Variants in FOXM1 observed in about 807,000 individuals in gnomAD.
The protein encoded by FOXM1 is forkhead box protein M1.
A neutral mutation model predicts 63.6 loss-of-function variants in FOXM1; 25 were observed. That is an observed-to-expected ratio of 0.39 (90% CI 0.29 to 0.55). The LOEUF (loss-of-function observed/expected upper bound fraction) is 0.55. FOXM1 is among the 20% of genes least tolerant of loss of function. The probability of loss-of-function intolerance (pLI) is 0.60; values close to 1 mark genes in which losing one functional copy is unlikely to be tolerated. For synonymous variants in FOXM1, 387 were observed against 376.9 expected (o/e 1.03, Z -0.31); for missense variants, 879 against 958.7 (o/e 0.92, Z 1.10).
chr12:2,859,591 C>T lies in FOXM1; in HGVS notation c.1339G>A (p.Gly447Arg), dbSNP rs1157284265. Residue 447 changes from glycine to arginine, a missense_variant, in exon 9 of 9, where the codon GGA (glycine) becomes AGA (arginine). This residue lies in a region of FOXM1 where 486 missense variants were observed against 453.5 expected (regional missense o/e 1.07). Transcript: ENST00000359843. ...GGAAGCAAAGGAGAAAACCCTTCTC[C>T]AAACAGGAGTTTCTCCTCTTTCCCT... ...GPGKEEKLLF[G>R]EGFSPLLPVQ... The T allele has an allele frequency of 3.7e-6, 6 of 1,613,546 alleles. No individual in the cohort carries two copies. The African/African-American group carries it at 8.0e-5, about 22-fold the overall frequency.
chr12:2,858,517 A>C lies in FOXM1; in HGVS notation c.*121T>G. 1 of 803,992 alleles carries C rather than the reference A, an allele frequency of 1.2e-6. No individual in the cohort carries two copies. The highest frequency in any genetic ancestry group is 1.9e-6 in the Non-Finnish European group (1 of 518,942). The allele number at this position is 803,992 out of a possible 1,614,324, so 49.8% of individuals were successfully genotyped here. A position where few individuals can be genotyped will look rare whatever the true frequency, so the allele number is the denominator to read the frequency against. On this transcript the variant is annotated 3_prime_UTR_variant, in exon 9 of 9. Transcript: ENST00000359843. ...TGCTACTTTTGCATAATCAGGCAGC[A>C]GGGAGCTATGAGGAGCAGAACAGTC...
intron 1 of FOXM1, among the ~76,000 whole-genome samples, chr12:2,875,822 G>A (rs1006677180): frequency 4.7e-5 from 7 of 148,912 alleles, no homozygotes; most frequent in Non-Finnish European, 8.9e-5. Context: ...GTGCAATGGC[G>A]CAATCTCAGC....
intron 3 of FOXM1, 120 bp downstream of exon 3, chr12:2,871,976 A>G: frequency 1.0e-6 from 1 of 996,660 alleles, no homozygotes; most frequent in Non-Finnish European, 1.6e-6. Flanking sequence ...AATAGCATGA[A>G]GTGGAGAGCT....
Position 2,859,109 on chromosome 12 carries a change from G to A in FOXM1, c.1821C>T (p.Pro607=), listed in dbSNP as rs1247738226. ...PFKTPIKETL[P]ISSTPSKSVL... ...CAGATTTGCTCGGGGTGGAGGAGATGGGCAGCGTTTCCTTAATGGGTGTCT... is the reference window on the plus strand; with the variant it reads ...CAGATTTGCTCGGGGTGGAGGAGATAGGCAGCGTTTCCTTAATGGGTGTCT... Residue 607 remains proline, a synonymous_variant, in exon 9 of 9, where the codon CCC becomes CCT. Transcript: ENST00000359843. 2 of 1,605,862 alleles carry A rather than the reference G, an allele frequency of 1.2e-6. No individual in the cohort carries two copies. The highest frequency in any genetic ancestry group is 2.2e-5 in the South Asian group (2 of 90,896).
intron 8 of FOXM1, chr12:2,861,167 CAAA>C (rs1216502555): frequency 4.2e-3 from 1,628 of 386,352 alleles, no homozygotes; most frequent in South Asian, 5.7e-3. Flanking sequence ...GACTCCGTCT[CAAA>C]AAAAAAAAAA....
rs764559064 is a variant in FOXM1, at chr12:2,858,511, G to A, written c.*127C>T. 1.6e-5 allele frequency: 12 copies of A among 767,688 alleles called. No individual in the cohort carries two copies. The highest frequency in any genetic ancestry group is 3.8e-4 in the Middle Eastern group (1 of 2,634). The allele number at this position is 767,688 out of a possible 1,614,324, so 47.6% of individuals were successfully genotyped here. ...TGTGACTGCTACTTTTGCATAATCA[G>A]GCAGCAGGGAGCTATGAGGAGCAGA... On this transcript the variant is annotated 3_prime_UTR_variant, in exon 9 of 9. Transcript: ENST00000359843.
Position 2,864,721 on chromosome 12 carries a change from C to T in FOXM1, c.1052G>A (p.Arg351Gln), listed in dbSNP as rs143532828. ...GAGTTCGGTTTTGATGGTCATGTTC[C>T]GGCGGAGCTCTGGATTCGGTCGTTT... ...QQKRPNPELRRNMTIKTELPL... is the reference protein window; with the variant it reads ...QQKRPNPELRQNMTIKTELPL... Residue 351 changes from arginine to glutamine, a missense_variant, in exon 7 of 9, where the codon CGG becomes CAG. Transcript: ENST00000359843. The surrounding 1 kb of genome is among the most constrained non-coding windows in gnomAD (Gnocchi z 5.1). 110 of 1,614,144 alleles carry T rather than the reference C, an allele frequency of 6.8e-5. 1 individual carries two copies. The Admixed American group carries it at 1.4e-3, about 21-fold the overall frequency.
At position 2,864,368 on chromosome 12, in the gene FOXM1, C is replaced by T. The variant is rs750630091; in HGVS notation, c.1218G>A (p.Met406Ile). 6.2e-7 allele frequency: 1 copy of T among 1,613,972 alleles called. No individual in the cohort carries two copies. The highest frequency in any genetic ancestry group is 1.1e-5 in the South Asian group (1 of 91,074). The part of the protein sequence containing the change: ...KVPLPLAASL[M>I]SSELARHSKR... The stretch of plus-strand genomic sequence containing the variant: ...TGCTATGGCGGGCAAGCTCTGAGCT[C>T]ATGAGGGAAGCCGCCAGGGGCAATG... Residue 406 changes from methionine to isoleucine, a missense_variant, in exon 8 of 9, where the codon ATG (methionine) becomes ATA (isoleucine). Met to Ile is a conservative substitution (Grantham distance 10, BLOSUM62 1). Coordinates refer to ENST00000359843, the MANE Select transcript of FOXM1 (RefSeq NM_021953.4). This position sits in a 1 kb window ranked among gnomAD's most constrained non-coding sequence, Gnocchi z 5.1.
intron 8 of FOXM1, among the ~76,000 whole-genome samples, chr12:2,860,318 C>CA (rs549311274): frequency 6.6e-6 from 1 of 151,944 alleles, no homozygotes; most frequent in Non-Finnish European, 1.5e-5. Flanking sequence ...CCCATCTCTA[C>CA]AAAAAAATTT....
At chr12:2,876,218 A>G (rs1204577073) in intron 1 of FOXM1, 1 of 152,306 alleles carries the variant, frequency 6.6e-6, no homozygotes, top group South Asian at 2.1e-4. Flanking sequence ...GACATTTGTC[A>G]TCTGCATAGA....
intron 5 of FOXM1, among the ~76,000 whole-genome samples, chr12:2,865,655 T>A (rs1482383289): frequency 2.1e-5 from 3 of 141,322 alleles, no homozygotes; most frequent in African/African-American, 8.3e-5. Context: ...TTTTTTTTTT[T>A]TTTTTTTTTT....
chr12:2,865,601 A>G (rs2098121675), intron 5 of FOXM1, among the ~76,000 whole-genome samples: 1 of 149,224 alleles, frequency 6.7e-6, no homozygotes, highest in Admixed American at 6.7e-5. Context: ...TTCTGAAAAG[A>G]CGTTCTGGTA....
intron 4 of FOXM1, among the ~76,000 whole-genome samples, chr12:2,867,979 C>CAAAAAAAAAAAAAAAAA (rs60064456): frequency 1.5e-5 from 1 of 68,326 alleles, no homozygotes; most frequent in Non-Finnish European, 2.9e-5. Flanking sequence ...GACTCTGTCT[C>CAAAAAAAAAAAAAAAAA]AAAAAAAAAA....
chr12:2,866,630 A>AGTG, intron 4 of FOXM1, 109 bp from the exon 5 acceptor site: 1 of 1,204,540 alleles, frequency 8.3e-7, no homozygotes, highest in Non-Finnish European at 1.1e-6. Flanking sequence ...TGCTCAGCAC[A>AGTG]GGCTTCGTCT....
In FOXM1 at chr12:2,858,933, C is replaced by G. The variant is rs568377566; in HGVS notation, c.1997G>C (p.Ser666Thr). The G allele has an allele frequency of 4.3e-6, 7 of 1,613,706 alleles. No individual in the cohort carries two copies. Among genetic ancestry groups the G allele is most frequent in the Admixed American group, 3.3e-5 (2 of 59,992 alleles). The stretch of plus-strand genomic sequence containing the variant: ...TTGCGGTGATTCAAGGGGGGGAGCA[C>G]TTTGCAAGGGAGTGGTGCTGAGATC... ...LMDLSTTPLQ[S>T]APPLESPQRL... The change falls in exon 9 of 9, where the codon AGT becomes ACT. Residue 666 changes from serine to threonine, a missense_variant. Coordinates refer to ENST00000359843, the MANE Select transcript of FOXM1 (RefSeq NM_021953.4).
chr12:2,875,751 AT>A (rs1161187840), intron 1 of FOXM1, among the ~76,000 whole-genome samples: 2 of 142,970 alleles, frequency 1.4e-5, no homozygotes, highest in Non-Finnish European at 3.0e-5. Flanking sequence ...TCTTTTGTTG[AT>A]TTTTTTTAAT....
chr12:2,859,592 A>C lies in FOXM1; in HGVS notation c.1338T>G (p.Phe446Leu), dbSNP rs762768266. 1.9e-6 allele frequency: 3 copies of C among 1,613,528 alleles called. No individual in the cohort carries two copies. The African/African-American group carries it at 4.0e-5, about 22-fold the overall frequency. The change falls in exon 9 of 9, where the codon TTT (phenylalanine) becomes TTG (leucine). Residue 446 changes from phenylalanine (F) to leucine (L), a missense_variant. Around this residue, in one of 4 missense-constraint regions of FOXM1, gnomAD observed 486 missense variants for 453.5 expected, o/e 1.07. Coordinates refer to ENST00000359843, the MANE Select transcript of FOXM1 (RefSeq NM_021953.4). ...AGPGKEEKLL[F>L]GEGFSPLLPV... is the part of the protein sequence containing the mutation. Reference sequence around the variant, plus strand: ...GAAGCAAAGGAGAAAACCCTTCTCCAAACAGGAGTTTCTCCTCTTTCCCTG... The same window carrying C: ...GAAGCAAAGGAGAAAACCCTTCTCCCAACAGGAGTTTCTCCTCTTTCCCTG...
chr12:2,867,337 T>A (rs1228978441), intron 4 of FOXM1, among the ~76,000 whole-genome samples: 3 of 150,824 alleles, frequency 2.0e-5, no homozygotes, highest in African/African-American at 7.3e-5. Flanking sequence ...ACTGTGGTGG[T>A]GCACCTGTTA....
chr12:2,865,762 C>T (rs1032190002), intron 5 of FOXM1, among the ~76,000 whole-genome samples: 1 of 151,308 alleles, frequency 6.6e-6, no homozygotes, highest in African/African-American at 2.4e-5. Flanking sequence ...AAGGGATTCT[C>T]CTGCCTCAGC....
Sources: allele counts gnomAD v4.1 joint callset (sites outside exome capture counted in the v4.1 genomes callset), GRCh38; gene constraint gnomAD v4.1.1; regional missense constraint gnomAD v4.1.1; non-coding constraint Gnocchi (gnomAD v3.1); transcripts MANE v1.5; gene names NCBI Gene and HGNC (gene_info 2026-07-23, HGNC 2026-07-21).